The following INSL5 variants were observed in gnomAD, a reference collection of about 807,000 sequenced individuals.
INSL5 encodes insulin-like peptide INSL5.
In INSL5, 3 loss-of-function variants were observed where a neutral mutation model predicts 4.3. That is an observed-to-expected ratio of 0.70 (90% CI 0.32 to 1.82). INSL5 has a LOEUF of 1.82. INSL5 is among the 40% of genes most tolerant of loss of function. INSL5 has a pLI of 0.08. For synonymous variants in INSL5, 68 were observed against 56.6 expected (o/e 1.20, Z -0.90); for missense variants, 168 against 160.9 (o/e 1.04, Z -0.24).
Position 66,801,061 on chromosome 1 carries a change from G to C in INSL5, c.161C>G (p.Pro54Arg). Residue 54 changes from proline to arginine, a missense_variant, in exon 1 of 2, where the codon CCT becomes CGT. Transcript: ENST00000304526. The part of the protein sequence containing the change: ...SRWRRHQEGI[P>R]QAQQAETGNS... Reference sequence around the variant, plus strand: ...GTTACTGTTACCTTGCTGAGCTTGAGGGATCCCCTCCTGATGCCTTCTCCA... The same window carrying C: ...GTTACTGTTACCTTGCTGAGCTTGACGGATCCCCTCCTGATGCCTTCTCCA... 1 of 1,611,392 alleles carries C rather than the reference G, an allele frequency of 6.2e-7. No individual in the cohort carries two copies. The highest frequency in any genetic ancestry group is 1.1e-5 in the South Asian group (1 of 90,714).
At chr1:66,798,423 T>A (rs1228762858) in intron 1 of INSL5, among the ~76,000 whole-genome samples, 178 bp from the exon 2 acceptor site, 3 of 152,188 alleles carry the variant, frequency 2.0e-5, no homozygotes, top group Non-Finnish European at 4.4e-5. Context: ...GAGAGCACAG[T>A]CATCTCCACT....
chr1:66,800,974 T>C, intron 1 of INSL5, 73 bp downstream of exon 1: 2 of 1,177,836 alleles, frequency 1.7e-6, no homozygotes, highest in African/African-American at 3.1e-5. Flanking sequence ...AAAATAATGG[T>C]TTAAAACACA....
chr1:66,801,193 A>G lies in INSL5; in HGVS notation c.29T>C (p.Leu10Ser), dbSNP rs1645373793. 6.2e-7 allele frequency: 1 copy of G among 1,613,492 alleles called. No individual in the cohort carries two copies. ...TGAGATGGCAAATAGGACAGAGAAT[A>G]AAAACAGAGTGAAAATGGAGCCCTT... MKGSIFTLF[L>S]FSVLFAISEV... Residue 10 changes from leucine (L) to serine (S), a missense_variant, in exon 1 of 2, where the codon TTA (leucine) becomes TCA (serine). Leu to Ser is a moderately radical substitution (Grantham distance 145). Coordinates refer to ENST00000304526, the MANE Select transcript of INSL5 (RefSeq NM_005478.6).
At chr1:66,800,959 T>C (rs918212252) in intron 1 of INSL5, 88 bp downstream of exon 1, 4 of 1,000,430 alleles carry the variant, frequency 4.0e-6, no homozygotes, top group East Asian at 2.4e-5. Context: ...AGAGAAACAC[T>C]TAATAAAATA....
intron 1 of INSL5, 22 bp downstream of exon 1, chr1:66,801,025 G>C (rs765254598): frequency 2.6e-5 from 40 of 1,526,980 alleles, no homozygotes; most frequent in Non-Finnish European, 3.3e-5. Context: ...GAAAATAGAG[G>C]AGACACATGA....
chr1:66,800,803 G>T (rs566174075), intron 1 of INSL5, among the ~76,000 whole-genome samples: 1 of 152,116 alleles, frequency 6.6e-6, no homozygotes, highest in South Asian at 2.1e-4. Context: ...AAGTAGTCAT[G>T]CGATTAAATG....
chr1:66,800,858 G>A (rs1645370634), intron 1 of INSL5, among the ~76,000 whole-genome samples, 189 bp downstream of exon 1: 1 of 152,112 alleles, frequency 6.6e-6, no homozygotes, highest in African/African-American at 2.4e-5. Context: ...TTTTTTGAAA[G>A]GTAGCATGCT....
intron 1 of INSL5, among the ~76,000 whole-genome samples, chr1:66,800,273 C>T (rs1325740424): frequency 2.0e-5 from 3 of 152,002 alleles, no homozygotes; most frequent in Non-Finnish European, 4.4e-5. Flanking sequence ...GAATTCCCAC[C>T]CTGCTTCCCC....
chr1:66,798,111 A>AT lies in INSL5; in HGVS notation c.309_310insA (p.Trp104MetfsTer21). ...ATCACTGAATGCTTCTTTGACTTCCAAAGCTCTTCAGTGGGCATCTGTCCA... is the reference window on the plus strand; with the variant it reads ...ATCACTGAATGCTTCTTTGACTTCCATAAGCTCTTCAGTGGGCATCTGTCCA... On this transcript the variant is annotated frameshift_variant, in exon 2 of 2. Coordinates refer to ENST00000304526, the MANE Select transcript of INSL5 (RefSeq NM_005478.6). LOFTEE classifies it low-confidence loss of function (END_TRUNC). 1 of 1,614,140 alleles carries AT rather than the reference A, an allele frequency of 6.2e-7. No individual in the cohort carries two copies. Among genetic ancestry groups the AT allele is most frequent in the Non-Finnish European group, 8.5e-7 (1 of 1,180,008 alleles).
chr1:66,800,212 A>T (rs1645365891), intron 1 of INSL5, among the ~76,000 whole-genome samples: 1 of 152,156 alleles, frequency 6.6e-6, no homozygotes, highest in Admixed American at 6.5e-5. Context: ...TCTGAAAGAC[A>T]TTTGGTTCAT....
chr1:66,801,128 C>G lies in INSL5; in HGVS notation c.94G>C (p.Glu32Gln). ...SKESVRLCGL[E>Q]YIRTVIYICA... is the part of the protein sequence containing the mutation. ...ATATAGATGACTGTCCGTATGTATT[C>G]TAGCCCACAGAGTCTCACAGACTCC... The change falls in exon 1 of 2, where the codon GAA becomes CAA. Residue 32 changes from glutamate (E) to glutamine (Q), a missense_variant. Transcript: ENST00000304526. 1.9e-6 allele frequency: 3 copies of G among 1,613,436 alleles called. No individual in the cohort carries two copies. The highest frequency in any genetic ancestry group is 2.5e-6 in the Non-Finnish European group (3 of 1,179,306).
rs1442398096 is a variant in INSL5 at position 66,798,023 on chromosome 1, G to A, written c.398C>T (p.Ala133Val). Reference sequence around the variant, plus strand: ...GTATTTGCTCTTGTCTTAGCAAAGAGCACTCAAATCAGTCATGGAACAGCC... The same window carrying A: ...GTATTTGCTCTTGTCTTAGCAAAGAACACTCAAATCAGTCATGGAACAGCC... ...TDGCSMTDLS[A>V]LC Residue 133 changes from alanine (A) to valine (V), a missense_variant, in exon 2 of 2, where the codon GCT (alanine) becomes GTT (valine). By Grantham distance (64) the Ala-to-Val change is moderately conservative. Transcript: ENST00000304526. 8 of 1,612,020 alleles carry A rather than the reference G, an allele frequency of 5.0e-6. No individual in the cohort carries two copies. The highest frequency in any genetic ancestry group is 6.8e-6 in the Non-Finnish European group (8 of 1,178,250).
At position 66,798,207 on chromosome 1, in the gene INSL5, C is replaced by T; in HGVS notation, c.214G>A (p.Glu72Lys). Residue 72 changes from glutamate (E) to lysine (K), a missense_variant, in exon 2 of 2, where the codon GAG becomes AAG. Glu to Lys is a moderately conservative substitution (Grantham distance 56). Transcript: ENST00000304526. ...GNSFQLPHKR[E>K]FSEENPAQNL... ...TGCGCTGGATTTTCCTCAGAAAACT[C>T]ACGTTTATGTGGGAGCTGGAAGGAG... The T allele has an allele frequency of 6.2e-7, 1 of 1,613,902 alleles. No individual in the cohort carries two copies. The highest frequency in any genetic ancestry group is 8.5e-7 in the Non-Finnish European group (1 of 1,179,838).
intron 1 of INSL5, 23 bp downstream of exon 1, chr1:66,801,024 G>A (rs181804514): frequency 3.1e-5 from 47 of 1,536,106 alleles, no homozygotes; most frequent in Non-Finnish European, 2.7e-5. Flanking sequence ...GGAAAATAGA[G>A]GAGACACATG....
chr1:66,801,051 C>T lies in INSL5; in HGVS notation c.171G>A (p.Gln57=). 1.2e-6 allele frequency: 2 copies of T among 1,606,532 alleles called. No homozygotes were observed. Among genetic ancestry groups the T allele is most frequent in the Admixed American group, 1.7e-5 (1 of 58,582 alleles). The change falls in exon 1 of 2, where the codon CAG becomes CAA. Residue 57 remains glutamine, a synonymous_variant. Transcript: ENST00000304526. ...AGACACATGAGTTACTGTTACCTTG[C>T]TGAGCTTGAGGGATCCCCTCCTGAT... ...RRHQEGIPQA[Q]QAETGNSFQL...
Position 66,798,250 on chromosome 1 carries a change from A to G in INSL5, c.176-5T>C, listed in dbSNP as rs374847301. On this transcript the variant is annotated splice_polypyrimidine_tract_variant and splice_region_variant and intron_variant, in intron 1 of 1. Transcript: ENST00000304526. The stretch of plus-strand genomic sequence containing the variant: ...GGAAGGAGTTTCCTGTCTCAGCTGT[A>G]TGGAAGAGAAAAAAATAATACATCC... The G allele has an allele frequency of 3.3e-4, 532 of 1,605,870 alleles. No homozygotes were observed. Among genetic ancestry groups the G allele is most frequent in the Non-Finnish European group, 4.2e-4 (495 of 1,172,900 alleles).
intron 1 of INSL5, among the ~76,000 whole-genome samples, chr1:66,799,564 A>G (rs559226328): frequency 2.2e-4 from 33 of 152,332 alleles, no homozygotes; most frequent in African/African-American, 7.9e-4. Flanking sequence ...AATGCATTGT[A>G]TTCCTGAAAT....
chr1:66,800,042 T>C (rs1270636238), intron 1 of INSL5, among the ~76,000 whole-genome samples: 1 of 151,904 alleles, frequency 6.6e-6, no homozygotes, highest in Non-Finnish European at 1.5e-5. Context: ...CTGTCTCCAA[T>C]CAAATAAATA....
intron 1 of INSL5, among the ~76,000 whole-genome samples, chr1:66,799,810 G>C (rs1439214078): frequency 6.6e-6 from 1 of 152,272 alleles, no homozygotes; most frequent in Admixed American, 6.5e-5. Flanking sequence ...AGTGCTCTGG[G>C]AGGCCGAGAC....
Sources: gnomAD v4.1 joint callset for allele counts (sites outside exome capture counted in the v4.1 genomes callset) on GRCh38, gnomAD v4.1.1 for gene constraint, MANE v1.5 for transcripts, NCBI Gene and HGNC (gene_info 2026-07-23, HGNC 2026-07-21) for gene names.